The following LZTS1 variants were observed in gnomAD, a reference collection of about 807,000 sequenced individuals.
LZTS1 encodes the protein leucine zipper putative tumor suppressor 1.
LZTS1 carries 31 observed loss-of-function variants against 45.8 expected under a neutral mutation model. The observed-to-expected ratio is 0.68, with a 90% CI of 0.51 to 0.91. LZTS1 has a LOEUF of 0.91. Among genes scored for constraint, LZTS1 ranks in the 40% least tolerant of loss-of-function variants. The pLI is 0.00. For synonymous variants in LZTS1, 359 were observed against 357.3 expected (o/e 1.00, Z -0.05); for missense variants, 821 against 788.9 (o/e 1.04, Z -0.49).
chr8:20,250,043 C>A lies in LZTS1; in HGVS notation c.1470G>T (p.Pro490=), dbSNP rs564237109. ...CAGGGACGTCCTCGGGGAAGGTGGG[C>A]GGCCCCATGTCGCGGGCCAGGGCGG... The part of the protein sequence containing the change: ...AQAALARDMG[P]PTFPEDVPAL... The change falls in exon 4 of 4, where the codon CCG becomes CCT. Residue 490 remains proline (P), a synonymous_variant. Transcript: ENST00000381569. The A allele has an allele frequency of 3.1e-6, 5 of 1,609,370 alleles. No homozygotes were observed. The highest frequency in any genetic ancestry group is 4.2e-6 in the Non-Finnish European group (5 of 1,179,110).
At position 20,255,227 on chromosome 8, in the gene LZTS1, A is replaced by C; in HGVS notation, c.-46T>G. 6.4e-7 allele frequency: 1 copy of C among 1,569,092 alleles called. No individual in the cohort carries two copies. On this transcript the variant is annotated 5_prime_UTR_variant, in exon 2 of 4. Transcript: ENST00000381569. ...GGGGCAGGGCCGGGCAGGGTCTTGG[A>C]AAGGCTGTGGCAGCAAGGGGCAGTC...
In LZTS1 at chr8:20,253,593, G is replaced by A. The variant is rs1234259098; in HGVS notation, c.346-8C>T. ...TGCACCCTTCTCGGAGCCCTGTAGA[G>A]GAAAAGGACCGCGGTGACTCATGCC... On this transcript the variant is annotated splice_polypyrimidine_tract_variant and splice_region_variant and intron_variant, in intron 2 of 3. Coordinates refer to ENST00000381569, the MANE Select transcript of LZTS1 (RefSeq NM_021020.5). 1.4e-6 allele frequency: 2 copies of A among 1,443,728 alleles called. No homozygotes were observed. Among genetic ancestry groups the A allele is most frequent in the Non-Finnish European group, 1.8e-6 (2 of 1,100,720 alleles). The allele number at this position is 1,443,728 out of a possible 1,614,324, so 89.4% of individuals were successfully genotyped here.
chr8:20,284,858 A>G (rs1163172239), intron 1 of LZTS1, among the ~76,000 whole-genome samples: 1 of 152,160 alleles, frequency 6.6e-6, no homozygotes, highest in Non-Finnish European at 1.5e-5. Context: ...CCCTGCTCCC[A>G]TAGCCTATCT....
At chr8:20,264,071 G>T (rs1800300473) in intron 1 of LZTS1, among the ~76,000 whole-genome samples, 5 of 152,076 alleles carry the variant, frequency 3.3e-5, no homozygotes, top group Admixed American at 2.6e-4. Context: ...GATTTGAGTG[G>T]GAACATTTTT....
intron 1 of LZTS1, among the ~76,000 whole-genome samples, chr8:20,257,797 A>G (rs1014907452): frequency 6.6e-6 from 1 of 151,306 alleles, no homozygotes; most frequent in African/African-American, 2.4e-5. Flanking sequence ...AGTCTCCCAC[A>G]TAGCTGGGAT....
rs75569551 is a variant in LZTS1, at chr8:20,257,936, A to G, written c.-134-2621T>C. ...TGATCCACCTGCCTAGGCCTCCCAA[A>G]GTGCCGGGATTATAGGCGTGAGCCA... On this transcript the variant is annotated intron_variant, in intron 1 of 3. Coordinates refer to ENST00000381569, the MANE Select transcript of LZTS1 (RefSeq NM_021020.5). Among the ~76,000 whole-genome samples the G allele has an allele frequency of 3.8e-3, 582 of 151,926 alleles. 25 individuals are homozygous for G. In the East Asian group the frequency reaches 0.076, roughly 20 times the overall value.
chr8:20,298,032 G>A (rs1039211298), intron 1 of LZTS1, among the ~76,000 whole-genome samples: 14 of 151,906 alleles, frequency 9.2e-5, no homozygotes, highest in African/African-American at 3.4e-4. Context: ...TAAAAATCTT[G>A]CATAAACTCT....
chr8:20,254,911 CTA>C lies in LZTS1; in HGVS notation c.269_270del (p.Leu90TrpfsTer9). ...PDYTALSSGDLGGQAGVDFDP... is the reference protein window; with the variant it reads ...PDYTALSSGDXGGQAGVDFDP... The stretch of plus-strand genomic sequence containing the variant: ...TCAAAGTCCACCCCAGCCTGGCCCC[CTA>C]AATCCCCGCTGGACAGTGCCGTGTA... On this transcript the variant is annotated frameshift_variant, in exon 2 of 4. Coordinates refer to ENST00000381569, the MANE Select transcript of LZTS1 (RefSeq NM_021020.5). LOFTEE classifies it high-confidence loss of function. The C allele has an allele frequency of 6.2e-7, 1 of 1,614,200 alleles. No homozygotes were observed. The highest frequency in any genetic ancestry group is 8.5e-7 in the Non-Finnish European group (1 of 1,180,042).
chr8:20,252,842 G>C lies in LZTS1; in HGVS notation c.1089C>G (p.Leu363=), dbSNP rs1799966505. The C allele has an allele frequency of 6.3e-7, 1 of 1,579,910 alleles. No homozygotes were observed. Among genetic ancestry groups the C allele is most frequent in the African/African-American group, 1.4e-5 (1 of 73,234 alleles). ...TGGTCTTCTCCCTCTCGTAGGACCT[G>C]AGCTTGGTCTCCAGCAGGTCCTGCT... ...MKEQDLLETK[L]RSYEREKTSF... The change falls in exon 3 of 4, where the codon CTC becomes CTG. Residue 363 remains leucine (L), a synonymous_variant. Transcript: ENST00000381569.
chr8:20,255,151 G>T lies in LZTS1; in HGVS notation c.31C>A (p.His11Asn). 1.2e-6 allele frequency: 2 copies of T among 1,613,810 alleles called. No individual in the cohort carries two copies. Among genetic ancestry groups the T allele is most frequent in the Non-Finnish European group, 1.7e-6 (2 of 1,179,850 alleles). MGSVSSLISG[H>N]SFHSKHCRAS... ...CGGCAGTGCTTGCTGTGGAAGCTGTGGCCGGAGATGAGGCTACTGACGCTG... is the reference window on the plus strand; with the variant it reads ...CGGCAGTGCTTGCTGTGGAAGCTGTTGCCGGAGATGAGGCTACTGACGCTG... The change falls in exon 2 of 4, where the codon CAC (histidine) becomes AAC (asparagine). Residue 11 changes from histidine (H) to asparagine (N), a missense_variant. Physicochemically the swap from His to Asn is moderately conservative, Grantham distance 68. Coordinates refer to ENST00000381569, the MANE Select transcript of LZTS1 (RefSeq NM_021020.5).
intron 3 of LZTS1, among the ~76,000 whole-genome samples, chr8:20,252,010 C>CACGTG (rs1563852254): frequency 6.6e-6 from 1 of 152,116 alleles, no homozygotes; most frequent in Non-Finnish European, 1.5e-5. Context: ...GTGAGGCAGG[C>CACGTG]ACGTGGACAG....
chr8:20,284,823 G>T (rs1353765104), intron 1 of LZTS1, among the ~76,000 whole-genome samples: 2 of 152,084 alleles, frequency 1.3e-5, no homozygotes, highest in Non-Finnish European at 2.9e-5. Flanking sequence ...CAACACTTGG[G>T]TCACTTATCT....
chr8:20,302,001 CTCT>C (rs1445128811), intron 1 of LZTS1, among the ~76,000 whole-genome samples: 1 of 152,100 alleles, frequency 6.6e-6, no homozygotes, highest in Non-Finnish European at 1.5e-5. Context: ...TAGTTTTCTT[CTCT>C]TCTTAAGCAG....
In LZTS1 at chr8:20,262,863, G is replaced by A. The variant is rs184561891; in HGVS notation, c.-134-7548C>T. On this transcript the variant is annotated intron_variant, in intron 1 of 3. Coordinates refer to ENST00000381569, the MANE Select transcript of LZTS1 (RefSeq NM_021020.5). ...GTTAAGAAACTTGGTTTGGGGGGAA[G>A]AGGAGGAAAATATGAGTTTAAAACC... is the stretch of plus-strand genomic sequence containing the variant. Among the ~76,000 whole-genome samples the A allele has an allele frequency of 5.3e-5, 8 of 152,188 alleles. No homozygotes were observed. In the South Asian group the frequency reaches 1.7e-3, roughly 32 times the overall value.
intron 1 of LZTS1, among the ~76,000 whole-genome samples, chr8:20,258,717 T>C (rs1434505284): frequency 6.6e-6 from 1 of 152,178 alleles, no homozygotes; most frequent in Non-Finnish European, 1.5e-5. Context: ...ACTTAGTACA[T>C]AGTGGGCACT....
At chr8:20,300,383 A>G (rs2128900189) in intron 1 of LZTS1, among the ~76,000 whole-genome samples, 1 of 151,756 alleles carries the variant, frequency 6.6e-6, no homozygotes, top group East Asian at 1.9e-4. Flanking sequence ...CCCAGACTGG[A>G]GTGCAGTGAT....
intron 1 of LZTS1, among the ~76,000 whole-genome samples, chr8:20,284,547 G>A (rs1800753271): frequency 6.6e-6 from 1 of 152,028 alleles, no homozygotes; most frequent in South Asian, 2.1e-4. Flanking sequence ...TTTTAATGGA[G>A]AGAGTATTAA....
intron 1 of LZTS1, among the ~76,000 whole-genome samples, chr8:20,288,383 G>A (rs1003979739): frequency 1.3e-5 from 2 of 152,164 alleles, no homozygotes; most frequent in African/African-American, 2.4e-5. Context: ...GGCCAGAGGC[G>A]ATGCGCAAGT....
At chr8:20,254,381 C>T (rs1359537037) in intron 2 of LZTS1, among the ~76,000 whole-genome samples, 2 of 152,174 alleles carry the variant, frequency 1.3e-5, no homozygotes, top group South Asian at 4.1e-4. Context: ...AGCTAATGCA[C>T]ACCAGGGCAG....
Sources: allele counts gnomAD v4.1 joint callset (sites outside exome capture counted in the v4.1 genomes callset), GRCh38; gene constraint gnomAD v4.1.1; transcripts MANE v1.5; gene names NCBI Gene and HGNC (gene_info 2026-07-23, HGNC 2026-07-21).